Variants in SEMA5B observed in about 807,000 individuals in gnomAD.
SEMA5B encodes the protein semaphorin 5B.
A neutral mutation model predicts 135.0 loss-of-function variants in SEMA5B; 66 were observed. The observed-to-expected ratio is 0.49, with a 90% CI of 0.40 to 0.60. The LOEUF (loss-of-function observed/expected upper bound fraction) is 0.60. SEMA5B is among the 20% of genes least tolerant of loss of function. SEMA5B has a pLI of 0.00. For missense variants in SEMA5B, 1,501 were observed against 1,566.3 expected (o/e 0.96, Z 0.70); for synonymous variants, 690 against 639.5 (o/e 1.08, Z -1.19).
intron 5 of SEMA5B, among the ~76,000 whole-genome samples, chr3:122,930,699 A>AATTCAACAGG (rs1174455895): frequency 1.3e-5 from 2 of 152,226 alleles, no homozygotes; most frequent in Admixed American, 6.5e-5. Flanking sequence ...AGTTACGCTG[A>AATTCAACAGG]ATTCAACAGT....
At chr3:122,918,353 C>A (rs912987133) in intron 12 of SEMA5B, among the ~76,000 whole-genome samples, 1 of 152,170 alleles carries the variant, frequency 6.6e-6, no homozygotes, top group Non-Finnish European at 1.5e-5. Flanking sequence ...CCTGGGCATC[C>A]TTTAAAAAGC....
chr3:122,920,784 C>T (rs923032716), intron 12 of SEMA5B, among the ~76,000 whole-genome samples: 4 of 152,208 alleles, frequency 2.6e-5, no homozygotes, highest in Non-Finnish European at 4.4e-5. Flanking sequence ...TCTCTCCCCA[C>T]ATGTCTGATA....
Position 122,923,699 on chromosome 3 carries a change from T to A in SEMA5B, c.1190A>T (p.Gln397Leu), listed in dbSNP as rs746143361. ...VCAFNLSAIS[Q>L]AFNGPFRYQE... ...GTAGCGAAATGGGCCATTGAAAGCC[T>A]GGGAGATAGCACTGAGGTTGAAGGC... The change falls in exon 10 of 23, where the codon CAG (glutamine) becomes CTG (leucine). Residue 397 changes from glutamine (Q) to leucine (L), a missense_variant. Physicochemically the swap from Gln to Leu is moderately radical, Grantham distance 113. Coordinates refer to ENST00000357599, the MANE Select transcript of SEMA5B (RefSeq NM_001031702.4). The A allele has an allele frequency of 5.0e-6, 8 of 1,613,978 alleles. No homozygotes were observed. Among genetic ancestry groups the A allele is most frequent in the Non-Finnish European group, 6.8e-6 (8 of 1,180,004 alleles).
chr3:123,016,745 A>T (rs1485968826), intron 1 of SEMA5B, among the ~76,000 whole-genome samples: 1 of 151,646 alleles, frequency 6.6e-6, no homozygotes, highest in Admixed American at 6.6e-5. Context: ...TGGCTAATTT[A>T]AAAAACCCTT....
intron 2 of SEMA5B, among the ~76,000 whole-genome samples, chr3:122,960,936 C>T (rs1269277858): frequency 6.6e-6 from 1 of 152,096 alleles, no homozygotes; most frequent in African/African-American, 2.4e-5. Flanking sequence ...TACTACTGAA[C>T]CGTGGACTTA....
chr3:122,969,891 G>A (rs1226874397), intron 1 of SEMA5B, among the ~76,000 whole-genome samples: 1 of 152,208 alleles, frequency 6.6e-6, no homozygotes, highest in Non-Finnish European at 1.5e-5. Context: ...TGTGTGTTAT[G>A]TGCTGGGAAT....
rs556896825 is a variant in SEMA5B, at chr3:123,009,059, C to T, written c.-39+18405G>A. Among the ~76,000 whole-genome samples the T allele has an allele frequency of 6.6e-5, 10 of 152,338 alleles. No homozygotes were observed. The South Asian group carries it at 1.4e-3, about 22-fold the overall frequency. ...CAATGCCACCCAGTTTTCAACGAGG[C>T]TGCATAAGACACGGACCCGGTGGAC... On this transcript the variant is annotated intron_variant, in intron 1 of 22. Transcript: ENST00000357599.
At chr3:122,968,305 T>C (rs1940960460) in intron 1 of SEMA5B, among the ~76,000 whole-genome samples, 1 of 152,238 alleles carries the variant, frequency 6.6e-6, no homozygotes, top group Non-Finnish European at 1.5e-5. Context: ...ATAATTATGG[T>C]CTGCTTTATT....
intron 12 of SEMA5B, among the ~76,000 whole-genome samples, chr3:122,916,241 C>CA (rs1367030495): frequency 6.6e-6 from 1 of 152,204 alleles, no homozygotes; most frequent in Non-Finnish European, 1.5e-5. Flanking sequence ...CCATACTCCT[C>CA]ACCCACAGCC....
intron 1 of SEMA5B, among the ~76,000 whole-genome samples, chr3:123,012,042 G>A (rs1942447746): frequency 6.6e-6 from 1 of 152,212 alleles, no homozygotes; most frequent in Non-Finnish European, 1.5e-5. Flanking sequence ...CAGTCACGTG[G>A]AAAGAGCACA....
At chr3:123,011,974 A>G (rs1942446381) in intron 1 of SEMA5B, among the ~76,000 whole-genome samples, 1 of 152,038 alleles carries the variant, frequency 6.6e-6, no homozygotes, top group Non-Finnish European at 1.5e-5. Flanking sequence ...CTCCAACACC[A>G]CATGCATTTC....
intron 1 of SEMA5B, among the ~76,000 whole-genome samples, chr3:122,973,076 G>C (rs556539381): frequency 6.6e-6 from 1 of 152,310 alleles, no homozygotes; most frequent in Non-Finnish European, 1.5e-5. Context: ...GGAAATCTAA[G>C]AGGTAACCAT....
chr3:122,948,408 A>G (rs1939886357), intron 3 of SEMA5B, 98 bp downstream of exon 3: 1 of 1,045,374 alleles, frequency 9.6e-7, no homozygotes, highest in South Asian at 1.8e-5. Flanking sequence ...GAACATCCCA[A>G]GGACATCCAA....
chr3:122,977,149 T>C (rs912958454), intron 1 of SEMA5B, among the ~76,000 whole-genome samples: 4 of 152,272 alleles, frequency 2.6e-5, no homozygotes, highest in Non-Finnish European at 4.4e-5. Context: ...GCTCCTGCTA[T>C]GAAATGAGGA....
At chr3:122,997,436 G>C (rs1047409878) in intron 1 of SEMA5B, among the ~76,000 whole-genome samples, 12 of 152,024 alleles carry the variant, frequency 7.9e-5, no homozygotes, top group African/African-American at 2.9e-4. Context: ...CCTGAGGTCA[G>C]AGCTGATGGG....
chr3:122,962,996 G>A (rs926869293), intron 1 of SEMA5B, among the ~76,000 whole-genome samples: 16 of 152,168 alleles, frequency 1.1e-4, no homozygotes, highest in African/African-American at 3.9e-4. Flanking sequence ...CATTCTTTTG[G>A]CCACTCACAG....
intron 1 of SEMA5B, among the ~76,000 whole-genome samples, chr3:123,006,277 A>T (rs1187958065): frequency 6.6e-6 from 1 of 152,200 alleles, no homozygotes; most frequent in Non-Finnish European, 1.5e-5. Flanking sequence ...GGAGTAACTG[A>T]CAAGTCAGGA....
intron 1 of SEMA5B, among the ~76,000 whole-genome samples, chr3:123,021,116 T>C (rs1053331775): frequency 3.3e-5 from 5 of 152,218 alleles, no homozygotes; most frequent in African/African-American, 4.8e-5. Context: ...GTATCCCTGA[T>C]GCCAAACACT....
At chr3:122,913,773 TC>T in intron 15 of SEMA5B, 84 bp downstream of exon 15, 4 of 1,568,606 alleles carry the variant, frequency 2.6e-6, no homozygotes, top group Admixed American at 3.6e-5. Flanking sequence ...AGGACGAGAG[TC>T]CCCGGGATCA....
Sources: allele counts gnomAD v4.1 joint callset (sites outside exome capture counted in the v4.1 genomes callset), GRCh38; gene constraint gnomAD v4.1.1; transcripts MANE v1.5; gene names NCBI Gene and HGNC (gene_info 2026-07-23, HGNC 2026-07-21).